The following CPNE5 variants were observed in gnomAD, a reference collection of about 807,000 sequenced individuals.
The protein encoded by CPNE5 is copine-5.
CPNE5 carries 42 observed loss-of-function variants against 81.1 expected under a neutral mutation model. The ratio of observed to expected loss-of-function variants is 0.52; its 90% CI spans 0.40 to 0.67. The LOEUF is 0.67. CPNE5 is among the 30% of genes least tolerant of loss of function. The pLI, the probability that CPNE5 is intolerant of heterozygous loss-of-function variation, is 0.00. For missense variants in CPNE5, 612 were observed against 815.5 expected (o/e 0.75, Z 3.04); for synonymous variants, 313 against 321.5 (o/e 0.97, Z 0.28).
intron 12 of CPNE5, among the ~76,000 whole-genome samples, chr6:36,756,727 G>T: frequency 6.6e-6 from 1 of 152,104 alleles, no homozygotes; most frequent in East Asian, 1.9e-4. Flanking sequence ...TTCCTCCTTT[G>T]GGACCCAGCC....
At chr6:36,812,297 G>C (rs1260835715) in intron 3 of CPNE5, among the ~76,000 whole-genome samples, 6 of 152,166 alleles carry the variant, frequency 3.9e-5, no homozygotes, top group Non-Finnish European at 1.5e-5. Flanking sequence ...GGGAGATAAT[G>C]GGGTGCTGCT....
At chr6:36,805,430 G>A (rs906582380) in intron 3 of CPNE5, among the ~76,000 whole-genome samples, 2 of 152,234 alleles carry the variant, frequency 1.3e-5, no homozygotes, top group Non-Finnish European at 2.9e-5. Flanking sequence ...GGGAGTGGGG[G>A]ATCCTCACGT....
At chr6:36,757,091 A>G (rs771962056) in intron 12 of CPNE5, among the ~76,000 whole-genome samples, 3 of 152,150 alleles carry the variant, frequency 2.0e-5, no homozygotes, top group Non-Finnish European at 4.4e-5. Context: ...AAATCCCAGT[A>G]GTGCCAAGGC....
chr6:36,794,066 C>T (rs932878867), intron 7 of CPNE5, among the ~76,000 whole-genome samples: 3 of 152,100 alleles, frequency 2.0e-5, no homozygotes, highest in South Asian at 2.1e-4. Context: ...GCTGGCCCAC[C>T]GCAGCTGGCG....
intron 1 of CPNE5, among the ~76,000 whole-genome samples, chr6:36,834,285 AAGGGAGGGAGGG>A (rs1187594447): frequency 6.6e-5 from 6 of 91,526 alleles, no homozygotes; most frequent in Admixed American, 5.3e-4. Context: ...AAAAGGAAGG[AAGGGAGGGAGGG>A]AGGGAGGGAG....
intron 3 of CPNE5, among the ~76,000 whole-genome samples, chr6:36,801,389 A>G (rs1356741315): frequency 6.6e-6 from 1 of 152,122 alleles, no homozygotes; most frequent in Non-Finnish European, 1.5e-5. Flanking sequence ...CCACTTTGAG[A>G]ACCACTGGGC....
In CPNE5 at chr6:36,839,105, C is replaced by T. The variant is rs1773801511; in HGVS notation, c.95+178G>A. 6.6e-6 allele frequency among the ~76,000 whole-genome samples: 1 copy of T among 152,224 alleles called. No homozygotes were observed. The highest frequency in any genetic ancestry group is 1.5e-5 in the Non-Finnish European group (1 of 68,036). On this transcript the variant is annotated intron_variant, in intron 1 of 20. Coordinates refer to ENST00000244751, the MANE Select transcript of CPNE5 (RefSeq NM_020939.2). The surrounding 1 kb of genome is among the most constrained non-coding windows in gnomAD (Gnocchi z 7.3). ...GACCCCAGCCTGGCTTCCTATTCTG[C>T]CGTCGCCACCCGCAGCTGGACAGGA...
At chr6:36,792,635 GCTGGGGTCTCC>G (rs942917879) in intron 7 of CPNE5, among the ~76,000 whole-genome samples, 4 of 152,114 alleles carry the variant, frequency 2.6e-5, no homozygotes, top group African/African-American at 9.7e-5. Flanking sequence ...AAATGCCTTG[GCTGGGGTCTCC>G]CTGGGAGTGA....
rs992239525 is a variant in CPNE5, at chr6:36,746,450, C to A, written c.1146G>T (p.Leu382=). The A allele has an allele frequency of 1.2e-6, 2 of 1,613,514 alleles. No homozygotes were observed. The highest frequency in any genetic ancestry group is 2.7e-5 in the African/African-American group (2 of 75,002). ...CCGGGGGCAGCTTGGCCCCGAAGCC[C>A]AGGGCAGGGAACATCTTGTCACTGT... is the stretch of plus-strand genomic sequence containing the variant. ...HYDSDKMFPA[L]GFGAKLPPDG... Residue 382 remains leucine (L), a synonymous_variant, in exon 16 of 21, where the codon CTG becomes CTT. Transcript: ENST00000244751. The surrounding 1 kb of genome is among the most constrained non-coding windows in gnomAD (Gnocchi z 4.5).
At chr6:36,793,162 C>G (rs1220713585) in intron 7 of CPNE5, among the ~76,000 whole-genome samples, 1 of 152,148 alleles carries the variant, frequency 6.6e-6, no homozygotes, top group African/African-American at 2.4e-5. Flanking sequence ...GTGGAACACA[C>G]TTTGAGAACC....
chr6:36,811,392 C>T (rs1220283483), intron 3 of CPNE5, among the ~76,000 whole-genome samples: 4 of 152,208 alleles, frequency 2.6e-5, no homozygotes, highest in African/African-American at 9.6e-5. Flanking sequence ...TAAGAAGAGC[C>T]ATTATTGAGC....
intron 9 of CPNE5, among the ~76,000 whole-genome samples, chr6:36,777,939 C>T (rs1178602532): frequency 2.0e-5 from 3 of 152,076 alleles, no homozygotes; most frequent in African/African-American, 7.2e-5. Flanking sequence ...CCATTTTCTT[C>T]CTCTCCTTTA....
intron 1 of CPNE5, among the ~76,000 whole-genome samples, chr6:36,828,433 A>G (rs1236360087): frequency 1.4e-5 from 1 of 72,558 alleles, no homozygotes; most frequent in African/African-American, 5.9e-5. Context: ...GCCTCAGGGA[A>G]TCCTCAGCCA....
chr6:36,752,982 G>T, intron 14 of CPNE5, 52 bp downstream of exon 14: 3 of 1,454,342 alleles, frequency 2.1e-6, no homozygotes, highest in South Asian at 1.1e-5. Flanking sequence ...TCGGTGTGTG[G>T]GGCCCTTTCC....
chr6:36,809,145 C>G (rs1361444000), intron 3 of CPNE5, among the ~76,000 whole-genome samples: 2 of 152,096 alleles, frequency 1.3e-5, no homozygotes, highest in East Asian at 3.9e-4. Flanking sequence ...ATGTGAGTGT[C>G]CCTGACCTAA....
rs769712961 is a variant in CPNE5 at position 36,742,387 on chromosome 6, C to G, written c.1663G>C (p.Val555Leu). 1.2e-6 allele frequency: 2 copies of G among 1,613,756 alleles called. No homozygotes were observed. Among genetic ancestry groups the G allele is most frequent in the South Asian group, 2.2e-5 (2 of 91,090 alleles). ...ATGCCCTGTGCCTTCATGTAGGACA[C>G]CAGTTGGTCAGGGATCTCTGCCAGC... ...DVLAEIPDQL[V>L]SYMKAQGIRP... is the part of the protein sequence containing the mutation. Residue 555 changes from valine to leucine, a missense_variant, in exon 21 of 21, where the codon GTG (valine) becomes CTG (leucine). By Grantham distance (32) the Val-to-Leu change is conservative. Transcript: ENST00000244751.
chr6:36,779,056 T>A (rs1397598239), intron 8 of CPNE5, 99 bp from the exon 9 acceptor site: 4 of 796,018 alleles, frequency 5.0e-6, no homozygotes. Context: ...CCAGCCCTGG[T>A]TGGAATGCAC....
chr6:36,804,504 G>T (rs1381537234), intron 3 of CPNE5, among the ~76,000 whole-genome samples: 1 of 152,140 alleles, frequency 6.6e-6, no homozygotes, highest in East Asian at 1.9e-4. Context: ...AAACACCCAG[G>T]TTTGAGAAAA....
chr6:36,775,856 A>T (rs1767451786), intron 9 of CPNE5, among the ~76,000 whole-genome samples: 1 of 152,212 alleles, frequency 6.6e-6, no homozygotes, highest in South Asian at 2.1e-4. Flanking sequence ...CCTAGTGCCT[A>T]GAACAGTGCC....
Sources: gnomAD v4.1 joint callset for allele counts (sites outside exome capture counted in the v4.1 genomes callset) on GRCh38, gnomAD v4.1.1 for gene constraint, Gnocchi (gnomAD v3.1) non-coding constraint, MANE v1.5 for transcripts, NCBI Gene and HGNC (gene_info 2026-07-23, HGNC 2026-07-21) for gene names.